Variants in NLGN3 observed in about 807,000 individuals in gnomAD.
NLGN3 encodes neuroligin 3.
In NLGN3, 11 loss-of-function variants were observed where a neutral mutation model predicts 42.9. That is an observed-to-expected ratio of 0.26 (90% confidence interval 0.16 to 0.42). The LOEUF (loss-of-function observed/expected upper bound fraction) is 0.42. NLGN3 is among the 10% of genes least tolerant of loss of function. NLGN3 has a pLI of 1.00. For missense variants in NLGN3, 374 were observed against 733.8 expected, an observed-to-expected ratio of 0.51 and a Z score of 5.67; for synonymous variants, 279 against 312.7, an observed-to-expected ratio of 0.89 and a Z score of 1.14.
rs776983658 is a variant in NLGN3 at position 71,168,820 on chromosome X, AAAAAGAAAG to A, written c.1704-430_1704-422del. Among the ~76,000 whole-genome samples, 70 of 73,821 alleles carry A rather than the reference AAAAAGAAAG, an allele frequency of 9.5e-4. No homozygotes were observed. In the South Asian group the frequency reaches 0.015, roughly 16 times the overall value. 64.1% of individuals were successfully genotyped at this position (73,821 alleles called of 115,157 possible). A position where few individuals can be genotyped will look rare whatever the true frequency, so the allele number is the denominator to read the frequency against. On this transcript the variant is annotated intron_variant, in intron 7 of 7. Coordinates refer to ENST00000358741, the MANE Select transcript of NLGN3 (RefSeq NM_181303.2). Reference sequence around the variant, plus strand: ...AGAGAGAAAGAAAGAAAGAGAAAAAAAAAAGAAAGAAAGAAAGAAAGAAAGAAAGAAAGA... The same window carrying A: ...AGAGAGAAAGAAAGAAAGAGAAAAAAAAAGAAAGAAAGAAAGAAAGAAAGA...
Position 71,147,717 on chromosome X carries a change from T to C in NLGN3, c.-33T>C, listed in dbSNP as rs1453602102. 2 of 1,153,737 alleles carry C rather than the reference T, an allele frequency of 1.7e-6. No homozygotes were observed. Among genetic ancestry groups the C allele is most frequent in the East Asian group, 3.1e-5 (1 of 32,727 alleles). On this transcript the variant is annotated 5_prime_UTR_variant, in exon 2 of 8. Coordinates refer to ENST00000358741, the MANE Select transcript of NLGN3 (RefSeq NM_181303.2). ...TTGGGCTGATGCTGTGACCCTGGAG[T>C]CTGCCTCTCCTGCCAGTCCCCCTGC...
intron 5 of NLGN3, among the ~76,000 whole-genome samples, chrX:71,157,364 C>T (rs1168884010): frequency 9.1e-6 from 1 of 109,290 alleles, no homozygotes; most frequent in Admixed American, 9.8e-5. Context: ...CACTCTGTCG[C>T]CCAGGCTGGA....
At chrX:71,157,418 G>C (rs1298646575) in intron 5 of NLGN3, among the ~76,000 whole-genome samples, 1 of 110,116 alleles carries the variant, frequency 9.1e-6, no homozygotes, top group Non-Finnish European at 1.9e-5. Context: ...CCGCCTCCCG[G>C]GTTCAACTGA....
intron 1 of NLGN3, among the ~76,000 whole-genome samples, chrX:71,145,702 C>T (rs1489720523): frequency 3.8e-5 from 4 of 106,440 alleles, no homozygotes; most frequent in Non-Finnish European, 1.9e-5. Context: ...AGGGAATTGA[C>T]TCAAAGGAGA....
At chrX:71,165,442 TC>T (rs2092443604) in intron 6 of NLGN3, among the ~76,000 whole-genome samples, 1 of 111,877 alleles carries the variant, frequency 8.9e-6, no homozygotes, top group Non-Finnish European at 1.9e-5. Context: ...TGGGGACTCC[TC>T]CCCTAGGAGA....
chrX:71,171,204 T>G (rs2147919665), downstream of NLGN3: 1 of 753,658 alleles, frequency 1.3e-6, no homozygotes. Flanking sequence ...ACTCCCAACC[T>G]GCCTCCCTTG....
intron 5 of NLGN3, among the ~76,000 whole-genome samples, chrX:71,162,928 G>A (rs1037924417): frequency 2.7e-5 from 3 of 111,822 alleles, no homozygotes; most frequent in African/African-American, 9.8e-5. Context: ...CAATGTGTAG[G>A]AGCTTCACAA....
rs371109023 is a variant in NLGN3, at chrX:71,155,432, A to T, written c.727+69A>T. ...AAGGGGGGAGGAAAGAATGCTGGAG[A>T]ATTTAAAAACAGATAGCCTTGCTTC... On this transcript the variant is annotated intron_variant, in intron 5 of 7. Transcript: ENST00000358741. The T allele has an allele frequency of 1.2e-4, 140 of 1,151,263 alleles. 1 individual carries two copies. The East Asian group carries it at 3.1e-3, about 26-fold the overall frequency. 94.9% of individuals were successfully genotyped at this position (1,151,263 alleles called of 1,213,427 possible). A position where few individuals can be genotyped will look rare whatever the true frequency, so the allele number is the denominator to read the frequency against.
At chrX:71,174,528 C>T (rs185251502), downstream of NLGN3, among the ~76,000 whole-genome samples, 87 of 111,944 alleles carry the variant, frequency 7.8e-4, no homozygotes, top group African/African-American at 2.7e-3. Flanking sequence ...AAGGAAGCGA[C>T]GATCACTCAG....
intron 6 of NLGN3, among the ~76,000 whole-genome samples, chrX:71,166,371 G>A (rs371446185): frequency 9.2e-6 from 1 of 109,018 alleles, no homozygotes; most frequent in Non-Finnish European, 1.9e-5. Context: ...CAAGAGAAAC[G>A]CTTGAACCTG....
chrX:71,153,567 G>A (rs770363413), intron 4 of NLGN3, 31 bp downstream of exon 4: 1 of 1,155,881 alleles, frequency 8.7e-7, no homozygotes, highest in Non-Finnish European at 1.2e-6. Context: ...GCGGCGGCTG[G>A]TGCATGGCAC....
At chrX:71,172,655 T>TGTGTGTGA (rs1491241975), downstream of NLGN3, among the ~76,000 whole-genome samples, 1 of 107,085 alleles carries the variant, frequency 9.3e-6, no homozygotes, top group African/African-American at 3.4e-5. Context: ...TGTGTGTGTG[T>TGTGTGTGA]GAGATCTAGA....
chrX:71,170,005 G>A lies in NLGN3; in HGVS notation c.2455G>A (p.Val819Ile). The A allele has an allele frequency of 8.3e-7, 1 of 1,209,458 alleles. No individual in the cohort carries two copies. Among genetic ancestry groups the A allele is most frequent in the Non-Finnish European group, 1.1e-6 (1 of 894,581 alleles). ...CATCACTATGATCCCCAACTCCCTG[G>A]TAGGGCTGCAGACATTGCACCCCTA... Reference protein sequence around the residue: ...NTITMIPNSLVGLQTLHPYNT... With the variant: ...NTITMIPNSLIGLQTLHPYNT... The change falls in exon 8 of 8, where the codon GTA becomes ATA. Residue 819 changes from valine to isoleucine, a missense_variant. Val to Ile is a conservative substitution (Grantham distance 29). Coordinates refer to ENST00000358741, the MANE Select transcript of NLGN3 (RefSeq NM_181303.2).
intron 3 of NLGN3, among the ~76,000 whole-genome samples, chrX:71,149,162 C>T (rs1396663519): frequency 9.0e-6 from 1 of 111,005 alleles, no homozygotes; most frequent in Non-Finnish European, 1.9e-5. Context: ...AAAGTGTGTG[C>T]CAAAGGCAGA....
intron 6 of NLGN3, among the ~76,000 whole-genome samples, chrX:71,165,636 TG>T (rs2092444267): frequency 1.8e-5 from 2 of 111,292 alleles, no homozygotes; most frequent in African/African-American, 6.5e-5. Flanking sequence ...GTGATCCTCC[TG>T]CCTCAGCCCC....
In NLGN3 at chrX:71,147,837, A is replaced by T; in HGVS notation, c.88A>T (p.Ser30Cys). 1 of 1,208,977 alleles carries T rather than the reference A, an allele frequency of 8.3e-7. No homozygotes were observed. The highest frequency in any genetic ancestry group is 1.1e-6 in the Non-Finnish European group (1 of 894,187). The change falls in exon 2 of 8, where the codon AGT (serine) becomes TGT (cysteine). Residue 30 changes from serine to cysteine, a missense_variant. By Grantham distance (112) the Ser-to-Cys change is moderately radical. This residue lies in a region of NLGN3 where 109 missense variants were observed against 173.3 expected (regional missense o/e 0.63). Transcript: ENST00000358741. ...CCTGTGCCTCACCCTGTGGTTCCTC[A>T]GTTTGGCGCTGAGGGCCAGTACCCA... ...RSLCLTLWFL[S>C]LALRASTQAP...
intron 3 of NLGN3, among the ~76,000 whole-genome samples, chrX:71,152,411 C>T (rs148538905): frequency 0.012 from 1,349 of 110,580 alleles, 14 homozygotes; most frequent in Middle Eastern, 0.023. Flanking sequence ...CCCTTCCTTC[C>T]CCTTTCCCCC....
intron 2 of NLGN3, 117 bp from the exon 3 acceptor site, chrX:71,148,729 G>A: frequency 1.8e-6 from 1 of 563,178 alleles, no homozygotes; most frequent in Non-Finnish European, 2.7e-6. Context: ...GGTGGGACAG[G>A]CTCTCTGCCA....
At chrX:71,169,219 G>C (rs1400739412) in intron 7 of NLGN3, 35 bp from the exon 8 acceptor site, 2 of 1,202,778 alleles carry the variant, frequency 1.7e-6, no homozygotes, top group African/African-American at 1.8e-5. Context: ...CATCCAGATA[G>C]AGTGGTGACC....
Sources: gnomAD v4.1 joint callset for allele counts (sites outside exome capture counted in the v4.1 genomes callset) on GRCh38, gnomAD v4.1.1 for gene constraint, gnomAD v4.1.1 regional missense constraint, MANE v1.5 for transcripts, NCBI Gene and HGNC (gene_info 2026-07-23, HGNC 2026-07-21) for gene names.